The following RTTN variants were observed in gnomAD, a reference collection of about 807,000 sequenced individuals.
RTTN encodes the protein rotatin.
Under a neutral mutation model 269.2 loss-of-function variants are expected in RTTN, and 182 were observed. The observed-to-expected ratio is 0.68, with a 90% CI of 0.60 to 0.76. The LOEUF is 0.76. Among genes scored for constraint, RTTN ranks in the 30% least tolerant of loss-of-function variants. The probability of loss-of-function intolerance (pLI) is 0.00; values close to 1 mark genes in which losing one functional copy is unlikely to be tolerated. For synonymous variants in RTTN, 1,006 were observed against 963.5 expected (o/e 1.04, Z -0.82); for missense variants, 2,545 against 2,608.6 (o/e 0.98, Z 0.53).
intron 34 of RTTN, among the ~76,000 whole-genome samples, chr18:70,067,165 T>TA (rs1345001370): frequency 6.7e-6 from 1 of 150,198 alleles, no homozygotes; most frequent in East Asian, 1.9e-4. Flanking sequence ...GCTTGTTTAT[T>TA]TTTTTTTTTT....
intron 32 of RTTN, among the ~76,000 whole-genome samples, chr18:70,083,876 C>T (rs1035958590): frequency 4.0e-5 from 6 of 150,272 alleles, no homozygotes; most frequent in Non-Finnish European, 7.4e-5. Context: ...GAACTCAAGG[C>T]CAGCCTGGAC....
intron 28 of RTTN, among the ~76,000 whole-genome samples, chr18:70,104,600 GCT>G (rs1599567516): frequency 6.6e-6 from 1 of 152,190 alleles, no homozygotes; most frequent in East Asian, 1.9e-4. Flanking sequence ...CAGCTTTTCT[GCT>G]CTGTTTTTTC....
Position 70,109,719 on chromosome 18 carries a change from T to C in RTTN, c.3684-2A>G. On this transcript the variant is annotated splice_acceptor_variant, in intron 27 of 48. Transcript: ENST00000640769. LOFTEE classifies it high-confidence loss of function. ...ACGTAAAGAAGTTCCGAGCATTTCCTATGTATGCAAAAGAGGGAAAATCAA... is the reference window on the plus strand; with the variant it reads ...ACGTAAAGAAGTTCCGAGCATTTCCCATGTATGCAAAAGAGGGAAAATCAA... 1 of 1,613,352 alleles carries C rather than the reference T, an allele frequency of 6.2e-7. No homozygotes were observed. Among genetic ancestry groups the C allele is most frequent in the Non-Finnish European group, 8.5e-7 (1 of 1,179,500 alleles).
rs2056194604 is a variant in RTTN, at chr18:70,006,560, A to AC, written c.6422-77dup. 9 of 1,095,006 alleles carry AC rather than the reference A, an allele frequency of 8.2e-6. No individual in the cohort carries two copies. In the South Asian group the frequency reaches 9.1e-5, roughly 11 times the overall value. 67.8% of individuals were successfully genotyped at this position (1,095,006 alleles called of 1,614,324 possible). A position where few individuals can be genotyped will look rare whatever the true frequency, so the allele number is the denominator to read the frequency against. On this transcript the variant is annotated intron_variant, in intron 46 of 48. Transcript: ENST00000640769. ...TATTCTTATCTTGGACTAGTCAGAC[A>AC]CCCCCCTCTTTTCCCATTAGAATGC...
intron 22 of RTTN, 75 bp downstream of exon 22, chr18:70,135,109 C>A: frequency 1.2e-6 from 1 of 810,892 alleles, no homozygotes; most frequent in Non-Finnish European, 2.0e-6. Context: ...AATTTCCATG[C>A]CTTGCTATAA....
chr18:70,018,989 T>C (rs2056625307), intron 45 of RTTN, among the ~76,000 whole-genome samples: 1 of 152,070 alleles, frequency 6.6e-6, no homozygotes, highest in African/African-American at 2.4e-5. Flanking sequence ...CTGCATTTTC[T>C]ATGTCCTACA....
chr18:70,036,890 T>C (rs1030307679), intron 40 of RTTN, among the ~76,000 whole-genome samples: 20 of 152,176 alleles, frequency 1.3e-4, no homozygotes, highest in Non-Finnish European at 2.9e-5. Context: ...AACTGAAAAG[T>C]GTCGGAGATA....
intron 10 of RTTN, among the ~76,000 whole-genome samples, chr18:70,185,178 G>A (rs911397599): frequency 1.3e-5 from 2 of 151,910 alleles, no homozygotes; most frequent in African/African-American, 4.8e-5. Context: ...TCCTTACCTT[G>A]TGCTAGATAC....
chr18:70,201,413 T>TA (rs561925455), intron 4 of RTTN, among the ~76,000 whole-genome samples: 3,267 of 144,388 alleles, frequency 0.023, 45 homozygotes, highest in Middle Eastern at 0.041. Flanking sequence ...CCATCCCGGC[T>TA]AAAAAAAAAA....
chr18:70,110,418 C>G (rs1330223967), intron 27 of RTTN, among the ~76,000 whole-genome samples: 1 of 152,122 alleles, frequency 6.6e-6, no homozygotes, highest in Non-Finnish European at 1.5e-5. Context: ...AGAGGGCAAG[C>G]TGAAGCAGGG....
intron 28 of RTTN, among the ~76,000 whole-genome samples, chr18:70,103,043 G>C (rs1354742940): frequency 6.6e-6 from 1 of 151,518 alleles, no homozygotes; most frequent in Non-Finnish European, 1.5e-5. Flanking sequence ...CCTCTGCCCA[G>C]CTGTCCCGTC....
chr18:70,109,452 A>T (rs1230532222), intron 28 of RTTN, 46 bp downstream of exon 28: 1 of 1,492,186 alleles, frequency 6.7e-7, no homozygotes. Context: ...GGCATAAAGT[A>T]AAAGCAACTA....
chr18:70,102,651 A>C (rs1210086517), intron 28 of RTTN, among the ~76,000 whole-genome samples: 3 of 152,200 alleles, frequency 2.0e-5, no homozygotes, highest in Non-Finnish European at 2.9e-5. Flanking sequence ...TAGTTGATAC[A>C]GTTTCTTCCT....
Position 70,087,617 on chromosome 18 carries a change from T to C in RTTN, c.4302+372A>G, listed in dbSNP as rs1402709584. Among the ~76,000 whole-genome samples the C allele has an allele frequency of 3.3e-5, 5 of 152,212 alleles. No homozygotes were observed. The South Asian group carries it at 1.0e-3, about 31-fold the overall frequency. The stretch of plus-strand genomic sequence containing the variant: ...GGGTTTATTTTTCCCTCTCATGTTA[T>C]ATGATAAATACTACAAAGAGTTATT... On this transcript the variant is annotated intron_variant, in intron 31 of 48. Transcript: ENST00000640769.
chr18:70,034,164 C>T (rs144894631), intron 40 of RTTN, among the ~76,000 whole-genome samples: 1,875 of 152,194 alleles, frequency 0.012, 22 homozygotes, highest in South Asian at 0.038. Context: ...AGACACTGTT[C>T]CCCAAAAAAA....
In RTTN at chr18:70,196,621, A is replaced by T. The variant is rs374241906; in HGVS notation, c.721T>A (p.Phe241Ile). The change falls in exon 7 of 49, where the codon TTT becomes ATT. Residue 241 changes from phenylalanine to isoleucine, a missense_variant. Transcript: ENST00000640769. Reference protein sequence around the residue: ...QSLLSLLKLAFGDGKHRLALQ... With the variant: ...QSLLSLLKLAIGDGKHRLALQ... Reference sequence around the variant, plus strand: ...GCCAGGCGATGCTTTCCATCTCCAAAGGCCAGTTTCAACAGAGATAAAAGG... The same window carrying T: ...GCCAGGCGATGCTTTCCATCTCCAATGGCCAGTTTCAACAGAGATAAAAGG... 1.1e-5 allele frequency: 15 copies of T among 1,322,110 alleles called. No individual in the cohort carries two copies. The African/African-American group carries it at 1.8e-4, about 16-fold the overall frequency. The allele number at this position is 1,322,110 out of a possible 1,614,324, so 81.9% of individuals were successfully genotyped here.
At position 70,075,503 on chromosome 18, in the gene RTTN, G is replaced by T. The variant is rs2058404668; in HGVS notation, c.4413C>A (p.Leu1471=). ...CVHDEDSGLS[L]IGKPALQALL... is the part of the protein sequence containing the mutation. ...GAGCCTGAAGGGCAGGTTTTCCAAT[G>T]AGCGATAGGCCAGAGTCCTCATCAT... is the stretch of plus-strand genomic sequence containing the variant. The change falls in exon 33 of 49, where the codon CTC becomes CTA. Residue 1471 remains leucine (L), a synonymous_variant. Transcript: ENST00000640769. 1 of 1,599,918 alleles carries T rather than the reference G, an allele frequency of 6.3e-7. No homozygotes were observed. Among genetic ancestry groups the T allele is most frequent in the Non-Finnish European group, 8.5e-7 (1 of 1,174,524 alleles).
intron 14 of RTTN, among the ~76,000 whole-genome samples, chr18:70,160,162 G>A (rs1032235749): frequency 6.6e-6 from 1 of 151,342 alleles, no homozygotes; most frequent in African/African-American, 2.4e-5. Flanking sequence ...ATCTCTGATG[G>A]ACATAAATGT....
rs529421156 is a variant in RTTN at position 70,118,179 on chromosome 18, T to C, written c.3528+3377A>G. Among the ~76,000 whole-genome samples the C allele has an allele frequency of 5.9e-5, 9 of 151,956 alleles. No homozygotes were observed. In the South Asian group the frequency reaches 1.0e-3, roughly 18 times the overall value. ...TAGAAAACAGTAACAGAATCAAGAATTGAGATTTTGAAAAGATGAACAAAA... is the reference window on the plus strand; with the variant it reads ...TAGAAAACAGTAACAGAATCAAGAACTGAGATTTTGAAAAGATGAACAAAA... On this transcript the variant is annotated intron_variant, in intron 26 of 48. Transcript: ENST00000640769.
Sources: gnomAD v4.1 joint callset for allele counts (sites outside exome capture counted in the v4.1 genomes callset) on GRCh38, gnomAD v4.1.1 for gene constraint, MANE v1.5 for transcripts, NCBI Gene and HGNC (gene_info 2026-07-23, HGNC 2026-07-21) for gene names.